PKIB: variants seen among roughly 807,000 people sequenced by gnomAD.
PKIB encodes the protein PKI-beta.
Under a neutral mutation model 4.5 loss-of-function variants are expected in PKIB, and 2 were observed. The observed-to-expected ratio is 0.44, with a 90% CI of 0.18 to 1.39. The LOEUF (loss-of-function observed/expected upper bound fraction) is 1.39, where lower values mean the gene tolerates loss of function less well. Ranked by LOEUF, PKIB falls within the 40% of genes most tolerant of loss-of-function variation. The probability of loss-of-function intolerance (pLI) is 0.27; values close to 1 mark genes in which losing one functional copy is unlikely to be tolerated. For synonymous variants in PKIB, 38 were observed against 36.0 expected (o/e 1.06, Z -0.20); for missense variants, 94 against 92.6 (o/e 1.02, Z -0.06).
intron 2 of PKIB, chr6:122,480,171 T>TA (rs1304826762): frequency 6.6e-6 from 1 of 152,016 alleles, no homozygotes; most frequent in Admixed American, 6.6e-5. Flanking sequence ...GCCTCCTGAG[T>TA]AGCTGGGACT....
At chr6:122,614,692 T>C (rs1389165464) in intron 1 of PKIB, among the ~76,000 whole-genome samples, 3 of 152,086 alleles carry the variant, frequency 2.0e-5, no homozygotes, top group East Asian at 3.9e-4. Flanking sequence ...ACAAAATAAT[T>C]TATATCTAGA....
intron 2 of PKIB, among the ~76,000 whole-genome samples, chr6:122,538,206 G>T (rs565081526): frequency 0.012 from 1,805 of 152,060 alleles, 44 homozygotes; most frequent in African/African-American, 0.042. Context: ...GTCAATTTTG[G>T]CTTTTGTTGC....
At chr6:122,540,563 T>C (rs1001959324) in intron 2 of PKIB, among the ~76,000 whole-genome samples, 5 of 151,442 alleles carry the variant, frequency 3.3e-5, no homozygotes, top group African/African-American at 1.2e-4. Flanking sequence ...TTATAATTTC[T>C]GTTCTTTTAC....
In PKIB at chr6:122,663,978, T is replaced by A. The variant is rs117465957; in HGVS notation, c.-75-11100T>A. ...TTAGTATTTTAGCATTTAGAACATA[T>A]GTTCTTTGTACCACTTCCTTCAAAA... On this transcript the variant is annotated intron_variant, in intron 2 of 4. Coordinates refer to ENST00000368452, the MANE Select transcript of PKIB (RefSeq NM_181795.3). 7.9e-5 allele frequency among the ~76,000 whole-genome samples: 12 copies of A among 152,322 alleles called. No homozygotes were observed. The South Asian group carries it at 2.5e-3, about 32-fold the overall frequency.
intron 4 of PKIB, 37 bp from the exon 5 acceptor site, chr6:122,725,091 A>T (rs1259979893): frequency 7.0e-7 from 1 of 1,424,028 alleles, no homozygotes; most frequent in African/African-American, 1.4e-5. Context: ...AATAAATTTC[A>T]ATATATTCCA....
chr6:122,649,061 TC>T (rs1192749030), intron 2 of PKIB, among the ~76,000 whole-genome samples: 1 of 152,244 alleles, frequency 6.6e-6, no homozygotes, highest in Non-Finnish European at 1.5e-5. Flanking sequence ...ATTAAAATTC[TC>T]CTCTGCTGAG....
chr6:122,686,566 T>G (rs1778099459), intron 3 of PKIB, among the ~76,000 whole-genome samples: 1 of 152,034 alleles, frequency 6.6e-6, no homozygotes, highest in South Asian at 2.1e-4. Flanking sequence ...GGCATGATCA[T>G]GGCTCGCTGC....
intron 2 of PKIB, among the ~76,000 whole-genome samples, chr6:122,671,029 C>T (rs1965094): frequency 0.59 from 89,250 of 152,012 alleles, 27,629 homozygotes; most frequent in Non-Finnish European, 0.69. Flanking sequence ...CGCGGTGGCT[C>T]ACGCCTGTAA....
In PKIB at chr6:122,717,848, T is replaced by C. The variant is rs1779562688; in HGVS notation, c.54T>C (p.Phe18=). The change falls in exon 4 of 5, where the codon TTT becomes TTC. Residue 18 remains phenylalanine, a synonymous_variant. Transcript: ENST00000368452. ...MTDVESGVAN[F]ASSARAGRRN... ...ACGTGGAGTCTGGGGTCGCCAATTTTGCATCTTCAGCAAGGGCAGGCCGCC... is the reference window on the plus strand; with the variant it reads ...ACGTGGAGTCTGGGGTCGCCAATTTCGCATCTTCAGCAAGGGCAGGCCGCC... 1.9e-6 allele frequency: 3 copies of C among 1,613,946 alleles called. No homozygotes were observed. Among genetic ancestry groups the C allele is most frequent in the South Asian group, 2.2e-5 (2 of 91,070 alleles).
chr6:122,541,322 G>A lies in PKIB; in HGVS notation c.-247-44599G>A, dbSNP rs548151973. Among the ~76,000 whole-genome samples the A allele has an allele frequency of 5.6e-3, 846 of 152,054 alleles. 17 individuals are homozygous for A. Among genetic ancestry groups the A allele is most frequent in the African/African-American group, 0.019 (780 of 41,374 alleles). On this transcript the variant is annotated intron_variant, in intron 2 of 6. Transcript: ENST00000392491. ...GCATGTTTTTGCAGTGGGTGGTACC[G>A]GTTGTTCCTTTCCATGTTTAGTGCT...
intron 2 of PKIB, chr6:122,478,803 A>T (rs1178283803): frequency 6.6e-6 from 1 of 152,190 alleles, no homozygotes; most frequent in African/African-American, 2.4e-5. Flanking sequence ...AAAACAAAAA[A>T]AACTCCTGCA....
At chr6:122,665,278 A>G (rs1440696291) in intron 2 of PKIB, among the ~76,000 whole-genome samples, 3 of 152,204 alleles carry the variant, frequency 2.0e-5, no homozygotes, top group Non-Finnish European at 2.9e-5. Context: ...TGGCCAGTTT[A>G]TTTTGAGAGA....
intron 2 of PKIB, among the ~76,000 whole-genome samples, chr6:122,666,061 C>T (rs193250809): frequency 1.4e-4 from 21 of 152,316 alleles, no homozygotes; most frequent in East Asian, 9.6e-4. Context: ...AGCCGAGTTT[C>T]CCCAAGTCAT....
At chr6:122,570,364 C>T (rs576871587) in intron 2 of PKIB, among the ~76,000 whole-genome samples, 2 of 152,338 alleles carry the variant, frequency 1.3e-5, no homozygotes, top group African/African-American at 2.4e-5. Flanking sequence ...TTGGGTATTA[C>T]ATCTACCCAC....
At chr6:122,663,132 C>G (rs951430195) in intron 2 of PKIB, among the ~76,000 whole-genome samples, 24 of 152,164 alleles carry the variant, frequency 1.6e-4, no homozygotes, top group African/African-American at 5.8e-4. Context: ...TTAATACCCA[C>G]AGATCATGAG....
intron 2 of PKIB, among the ~76,000 whole-genome samples, chr6:122,564,121 A>T (rs1024793907): frequency 2.8e-4 from 42 of 152,138 alleles, no homozygotes; most frequent in African/African-American, 8.5e-4. Context: ...TTTCCAGTGG[A>T]TATGTGTGTT....
At chr6:122,673,226 C>T (rs1421469441) in intron 2 of PKIB, among the ~76,000 whole-genome samples, 1 of 151,862 alleles carries the variant, frequency 6.6e-6, no homozygotes, top group African/African-American at 2.4e-5. Context: ...TTTAAACATG[C>T]ATTTTTAAAA....
intron 1 of PKIB, among the ~76,000 whole-genome samples, chr6:122,627,374 C>G (rs1473927872): frequency 6.6e-6 from 1 of 152,058 alleles, no homozygotes. Context: ...TGCATGAGTT[C>G]AAATGTATCA....
At position 122,551,274 on chromosome 6, in the gene PKIB, C is replaced by T. The variant is rs1582693344; in HGVS notation, c.-247-34647C>T. ...TAATTCAAATATTGCACCTTCGGGA[C>T]CATCTTATTTTCTCATATTTTCTCT... On this transcript the variant is annotated intron_variant, in intron 2 of 6. Transcript: ENST00000392491. Among the ~76,000 whole-genome samples the T allele has an allele frequency of 2.0e-5, 3 of 152,104 alleles. No individual in the cohort carries two copies. In the South Asian group the frequency reaches 6.2e-4, roughly 32 times the overall value.
Sources: allele counts gnomAD v4.1 joint callset (sites outside exome capture counted in the v4.1 genomes callset), GRCh38; gene constraint gnomAD v4.1.1; transcripts MANE v1.5; gene names NCBI Gene and HGNC (gene_info 2026-07-23, HGNC 2026-07-21).